The following NOD1 variants were observed in gnomAD, a reference collection of about 807,000 sequenced individuals.
NOD1 encodes nucleotide binding oligomerization domain containing 1.
NOD1 carries 70 observed loss-of-function variants against 81.2 expected under a neutral mutation model. The ratio of observed to expected loss-of-function variants is 0.86; its 90% confidence interval spans 0.71 to 1.05. NOD1 has a LOEUF of 1.05. NOD1 is among the 50% of genes least tolerant of loss of function. The pLI is 0.00. For missense variants in NOD1, 1,233 were observed against 1,228.0 expected (o/e 1.00, Z -0.06); for synonymous variants, 508 against 526.9 (o/e 0.96, Z 0.49).
At chr7:30,426,345 G>A (rs750988374) in intron 13 of NOD1, among the ~76,000 whole-genome samples, 3 of 151,644 alleles carry the variant, frequency 2.0e-5, no homozygotes, top group Admixed American at 1.3e-4. Flanking sequence ...TAGTAACCTG[G>A]GGGTCAACCT....
At chr7:30,458,312 G>A (rs770200916) in intron 3 of NOD1, among the ~76,000 whole-genome samples, 3 of 152,078 alleles carry the variant, frequency 2.0e-5, no homozygotes, top group Non-Finnish European at 4.4e-5. Context: ...GGAAAGGCCT[G>A]GAATTGGCCA....
chr7:30,456,334 A>C (rs185593717), intron 4 of NOD1, among the ~76,000 whole-genome samples: 4 of 152,334 alleles, frequency 2.6e-5, no homozygotes, highest in Admixed American at 2.6e-4. Context: ...CCTGACCCTG[A>C]GTCGGTTCCC....
intron 7 of NOD1, 46 bp downstream of exon 7, chr7:30,448,252 G>A (rs757271582): frequency 1.4e-6 from 2 of 1,422,962 alleles, no homozygotes; most frequent in Admixed American, 1.7e-5. Context: ...CTGCAGCTCT[G>A]TATTATTACT....
chr7:30,452,520 A>G lies in NOD1; in HGVS notation c.897T>C (p.Pro299=), dbSNP rs1466021948. The G allele has an allele frequency of 6.2e-7, 1 of 1,613,040 alleles. No homozygotes were observed. Among genetic ancestry groups the G allele is most frequent in the African/African-American group, 1.3e-5 (1 of 74,920 alleles). The stretch of plus-strand genomic sequence containing the variant: ...CAGGCTCCCAGGGGCAGGAGCTGTC[A>G]GGCACGCGGCTCAGGTCCAAGTCCG... ...LHSDLDLSRV[P]DSSCPWEPAH... is the part of the protein sequence containing the mutation. Residue 299 remains proline, a synonymous_variant, in exon 6 of 14, where the codon CCT becomes CCC. Coordinates refer to ENST00000222823, the MANE Select transcript of NOD1 (RefSeq NM_006092.4).
intron 1 of NOD1, chr7:30,460,573 G>A: frequency 2.0e-6 from 2 of 985,402 alleles, no homozygotes; most frequent in Non-Finnish European, 2.4e-6. Context: ...AATGGAGGCA[G>A]CCAGAAAACA....
intron 13 of NOD1, 85 bp downstream of exon 13, chr7:30,429,289 C>G: frequency 8.4e-7 from 1 of 1,190,828 alleles, no homozygotes; most frequent in Non-Finnish European, 1.3e-6. Flanking sequence ...TAAACAGAAA[C>G]CACCCTGCGT....
Position 30,446,176 on chromosome 7 carries a change from C to T in NOD1, c.2418G>A (p.Leu806=), listed in dbSNP as rs763136024. 9.3e-6 allele frequency: 15 copies of T among 1,614,172 alleles called. No individual in the cohort carries two copies. In the South Asian group the frequency reaches 1.1e-4, roughly 12 times the overall value. ...AGATTGATTTGCTGTTCTTCACAGC[C>T]AGGGCGAGATACTTCCCTCCTTCAC... ...ITSEGGKYLA[L]AVKNSKSISE... is the part of the protein sequence containing the mutation. The change falls in exon 9 of 14, where the codon CTG becomes CTA. Residue 806 remains leucine (L), a synonymous_variant. Coordinates refer to ENST00000222823, the MANE Select transcript of NOD1 (RefSeq NM_006092.4).
chr7:30,461,595 G>A (rs1345506531), intron 1 of NOD1, among the ~76,000 whole-genome samples: 1 of 152,232 alleles, frequency 6.6e-6, no homozygotes, highest in Non-Finnish European at 1.5e-5. Context: ...CATTTCCAGT[G>A]CTCAAGAGCC....
intron 1 of NOD1, among the ~76,000 whole-genome samples, chr7:30,466,844 T>C (rs1787744757): frequency 6.6e-6 from 1 of 152,154 alleles, no homozygotes; most frequent in Non-Finnish European, 1.5e-5. Flanking sequence ...CAGTAATCTA[T>C]ATAGGGAGAT....
rs1484616122 is a variant in NOD1, at chr7:30,467,421, G to A, written c.-351-7380C>T. ...GCCTTTTCCTCATTAGGGCATCTCA[G>A]GACATCTTGAGGCAGGCCAGCACAA... On this transcript the variant is annotated intron_variant, in intron 1 of 13. Coordinates refer to ENST00000222823, the MANE Select transcript of NOD1 (RefSeq NM_006092.4). The surrounding 1 kb of genome is among the most constrained non-coding windows in gnomAD (Gnocchi z 4.5). Among the ~76,000 whole-genome samples, 1 of 152,080 alleles carries A rather than the reference G, an allele frequency of 6.6e-6. No homozygotes were observed. Among genetic ancestry groups the A allele is most frequent in the African/African-American group, 2.4e-5 (1 of 41,402 alleles).
At chr7:30,450,861 G>A (rs1785617402) in intron 6 of NOD1, among the ~76,000 whole-genome samples, 1 of 152,206 alleles carries the variant, frequency 6.6e-6, no homozygotes. Context: ...TTACAGGGTT[G>A]TAAAGAGCAT....
intron 12 of NOD1, among the ~76,000 whole-genome samples, chr7:30,432,413 T>C (rs1344099575): frequency 6.6e-6 from 1 of 152,214 alleles, no homozygotes; most frequent in African/African-American, 2.4e-5. Context: ...CATCCACTAG[T>C]ATAACTAGAT....
intron 1 of NOD1, among the ~76,000 whole-genome samples, chr7:30,462,481 G>A (rs1472471195): frequency 6.6e-6 from 1 of 150,700 alleles, no homozygotes; most frequent in Non-Finnish European, 1.5e-5. Context: ...TCCAGTCCTG[G>A]CTATAATAGA....
At chr7:30,427,670 C>G (rs1332617250) in intron 13 of NOD1, among the ~76,000 whole-genome samples, 1 of 152,230 alleles carries the variant, frequency 6.6e-6, no homozygotes, top group East Asian at 1.9e-4. Flanking sequence ...CACCCTGACA[C>G]AAGTGCAGGC....
intron 6 of NOD1, among the ~76,000 whole-genome samples, chr7:30,449,039 G>C (rs928636133): frequency 2.0e-5 from 3 of 152,208 alleles, no homozygotes; most frequent in Non-Finnish European, 4.4e-5. Context: ...CTCTGTCACA[G>C]CTACTCAACT....
At position 30,425,419 on chromosome 7, in the gene NOD1, G is replaced by A. The variant is rs5743372; in HGVS notation, c.*219C>T. ...GTATTTACTGTAACTACAACAGCTCGCAAGACACATTCTTTTTCTGCAGAA... is the reference window on the plus strand; with the variant it reads ...GTATTTACTGTAACTACAACAGCTCACAAGACACATTCTTTTTCTGCAGAA... On this transcript the variant is annotated 3_prime_UTR_variant, in exon 14 of 14. Transcript: ENST00000222823. 35,531 of 585,666 alleles carry A rather than the reference G, an allele frequency of 0.061. 2,863 individuals are homozygous for A. Among genetic ancestry groups the A allele is most frequent in the African/African-American group, 0.3 (15,903 of 53,566 alleles). 36.3% of individuals were successfully genotyped at this position (585,666 alleles called of 1,614,324 possible). A position where few individuals can be genotyped will look rare whatever the true frequency, so the allele number is the denominator to read the frequency against.
chr7:30,436,762 G>T (rs976025643), intron 10 of NOD1, among the ~76,000 whole-genome samples: 1 of 152,224 alleles, frequency 6.6e-6, no homozygotes, highest in African/African-American at 2.4e-5. Context: ...GGGGGTGGTG[G>T]TTGGCTGGTG....
At chr7:30,466,884 G>A (rs1787748391) in intron 1 of NOD1, among the ~76,000 whole-genome samples, 1 of 152,138 alleles carries the variant, frequency 6.6e-6, no homozygotes, top group Non-Finnish European at 1.5e-5. Context: ...AAATAGGCAG[G>A]ACATGCACCT....
chr7:30,434,261 A>T (rs1784193542), intron 11 of NOD1, among the ~76,000 whole-genome samples: 1 of 152,208 alleles, frequency 6.6e-6, no homozygotes, highest in Admixed American at 6.5e-5. Flanking sequence ...CACAGGGAAA[A>T]AGTGTAGAAT....
Sources: allele counts gnomAD v4.1 joint callset (sites outside exome capture counted in the v4.1 genomes callset), GRCh38; gene constraint gnomAD v4.1.1; non-coding constraint Gnocchi (gnomAD v3.1); transcripts MANE v1.5; gene names NCBI Gene and HGNC (gene_info 2026-07-23, HGNC 2026-07-21).